The following ANO10 variants were observed in gnomAD, a reference collection of about 807,000 sequenced individuals.
ANO10 encodes anoctamin 10.
Under a neutral mutation model 74.7 loss-of-function variants are expected in ANO10, and 77 were observed. That is an observed-to-expected ratio of 1.03 (90% CI 0.86 to 1.25). ANO10 has a LOEUF of 1.25. Ranked by LOEUF, ANO10 falls within the 50% of genes most tolerant of loss-of-function variation. The pLI is 0.00. For synonymous variants in ANO10, 279 were observed against 284.9 expected, an observed-to-expected ratio of 0.98 and a Z score of 0.21; for missense variants, 721 against 778.1, an observed-to-expected ratio of 0.93 and a Z score of 0.87.
intron 12 of ANO10, among the ~76,000 whole-genome samples, chr3:43,431,116 A>C (rs2092973926): frequency 6.6e-6 from 1 of 150,466 alleles, no homozygotes; most frequent in Admixed American, 6.6e-5. Flanking sequence ...TCTGTTACCC[A>C]GGCGGGAGTG....
intron 9 of ANO10, among the ~76,000 whole-genome samples, chr3:43,559,676 T>C (rs1402213905): frequency 2.0e-5 from 3 of 152,114 alleles, no homozygotes; most frequent in Admixed American, 2.0e-4. Flanking sequence ...GGACTGCTGG[T>C]GCAGTTTCTA....
intron 1 of ANO10, among the ~76,000 whole-genome samples, chr3:43,686,225 T>G (rs973116047): frequency 6.6e-6 from 1 of 152,130 alleles, no homozygotes; most frequent in African/African-American, 2.4e-5. Context: ...ATACACACCT[T>G]AAAAACAACT....
At chr3:43,445,622 G>A (rs1175341375) in intron 11 of ANO10, among the ~76,000 whole-genome samples, 1 of 152,066 alleles carries the variant, frequency 6.6e-6, no homozygotes, top group Non-Finnish European at 1.5e-5. Flanking sequence ...TCCTGAAAAT[G>A]ACCTACATCT....
chr3:43,370,610 G>A (rs1292840016), intron 12 of ANO10, among the ~76,000 whole-genome samples: 1 of 152,076 alleles, frequency 6.6e-6, no homozygotes, highest in Non-Finnish European at 1.5e-5. Context: ...GCTTCTTTGG[G>A]GATCCTTAAA....
chr3:43,680,781 C>T (rs1387402131), intron 1 of ANO10, among the ~76,000 whole-genome samples: 1 of 149,036 alleles, frequency 6.7e-6, no homozygotes, highest in African/African-American at 2.5e-5. Flanking sequence ...CAATATTCAA[C>T]ATTCTTAAAA....
intron 12 of ANO10, among the ~76,000 whole-genome samples, chr3:43,410,048 A>G (rs1281507523): frequency 6.6e-6 from 1 of 152,144 alleles, no homozygotes; most frequent in Non-Finnish European, 1.5e-5. Context: ...CTGAAATGGG[A>G]TATCATGCCA....
chr3:43,523,358 G>GA (rs1247434154), intron 11 of ANO10, among the ~76,000 whole-genome samples: 1 of 152,192 alleles, frequency 6.6e-6, no homozygotes, highest in African/African-American at 2.4e-5. Context: ...CTTTAATCCT[G>GA]AAAATGGTAG....
At chr3:43,669,871 G>T (rs567328764) in intron 1 of ANO10, among the ~76,000 whole-genome samples, 20 of 152,020 alleles carry the variant, frequency 1.3e-4, no homozygotes, top group African/African-American at 4.8e-4. Context: ...GACTACAGGT[G>T]CCCGCCACCA....
At chr3:43,483,680 G>A (rs1231953181) in intron 11 of ANO10, among the ~76,000 whole-genome samples, 1 of 152,152 alleles carries the variant, frequency 6.6e-6, no homozygotes, top group African/African-American at 2.4e-5. Flanking sequence ...GTCCTGAAAC[G>A]GTGTGCTTGA....
At chr3:43,385,209 C>T (rs1484661811) in intron 12 of ANO10, among the ~76,000 whole-genome samples, 1 of 152,060 alleles carries the variant, frequency 6.6e-6, no homozygotes, top group Non-Finnish European at 1.5e-5. Flanking sequence ...AAACCAAAAC[C>T]ACAATGCAAT....
In ANO10 at chr3:43,601,860, C is replaced by T. The variant is rs2082349121; in HGVS notation, c.140-1279G>A. On this transcript the variant is annotated intron_variant, in intron 2 of 12. Transcript: ENST00000292246. Reference sequence around the variant, plus strand: ...TGAGCGTGGTAGCCGTGAAGGTACCCCACTCCACCAGCTCTCCCTTCAAGA... The same window carrying T: ...TGAGCGTGGTAGCCGTGAAGGTACCTCACTCCACCAGCTCTCCCTTCAAGA... Among the ~76,000 whole-genome samples, 3 of 152,244 alleles carry T rather than the reference C, an allele frequency of 2.0e-5. 1 individual carries two copies. Among genetic ancestry groups the T allele is most frequent in the South Asian group, 4.1e-4 (2 of 4,820 alleles).
intron 7 of ANO10, 61 bp from the exon 8 acceptor site, chr3:43,565,788 A>C (rs1333749004): frequency 3.3e-6 from 5 of 1,499,734 alleles, no homozygotes; most frequent in Non-Finnish European, 3.6e-6. Context: ...ACTTTACTAC[A>C]ACTGTAATGC....
chr3:43,561,944 A>G (rs935497573), intron 8 of ANO10, among the ~76,000 whole-genome samples: 2 of 152,210 alleles, frequency 1.3e-5, no homozygotes, highest in Non-Finnish European at 2.9e-5. Context: ...CCAACTCTGG[A>G]TAAAAAAAGT....
chr3:43,432,438 T>C (rs968765398), intron 12 of ANO10, among the ~76,000 whole-genome samples, 173 bp downstream of exon 12: 2 of 152,232 alleles, frequency 1.3e-5, no homozygotes, highest in Non-Finnish European at 2.9e-5. Context: ...ACCTATTTGT[T>C]GCTCATATTG....
chr3:43,412,677 T>C (rs539890089), intron 12 of ANO10, among the ~76,000 whole-genome samples: 6 of 152,204 alleles, frequency 3.9e-5, no homozygotes, highest in Non-Finnish European at 7.3e-5. Context: ...GTTTGAACAA[T>C]GGAAAGCATG....
intron 1 of ANO10, among the ~76,000 whole-genome samples, chr3:43,653,639 T>A (rs1487306945): frequency 6.6e-6 from 1 of 152,208 alleles, no homozygotes; most frequent in Non-Finnish European, 1.5e-5. Flanking sequence ...TGAATTCTTG[T>A]GAAAAGTTAG....
intron 12 of ANO10, among the ~76,000 whole-genome samples, chr3:43,396,815 G>A (rs1330550378): frequency 6.6e-6 from 1 of 151,872 alleles, no homozygotes; most frequent in Non-Finnish European, 1.5e-5. Flanking sequence ...CCTAAAGTGT[G>A]CACCAGCATG....
chr3:43,673,451 C>CTACAAAT (rs976732005), intron 1 of ANO10, among the ~76,000 whole-genome samples: 1 of 152,130 alleles, frequency 6.6e-6, no homozygotes, highest in African/African-American at 2.4e-5. Flanking sequence ...CCTGACCCTG[C>CTACAAAT]TACAAATGTT....
intron 10 of ANO10, among the ~76,000 whole-genome samples, chr3:43,552,774 G>A (rs1241493590): frequency 6.7e-6 from 1 of 149,164 alleles, no homozygotes; most frequent in Non-Finnish European, 1.5e-5. Context: ...ATGTATATGT[G>A]TGTATTTTAT....
Sources: allele counts gnomAD v4.1 joint callset (sites outside exome capture counted in the v4.1 genomes callset), GRCh38; gene constraint gnomAD v4.1.1; transcripts MANE v1.5; gene names NCBI Gene and HGNC (gene_info 2026-07-23, HGNC 2026-07-21).